Variants in CACNA2D3 observed in about 807,000 individuals in gnomAD.
The protein encoded by CACNA2D3 is calcium voltage-gated channel auxiliary subunit alpha2delta 3.
A neutral mutation model predicts 160.6 loss-of-function variants in CACNA2D3; 60 were observed. That is an observed-to-expected ratio of 0.37 (90% confidence interval 0.30 to 0.46). CACNA2D3 has a LOEUF of 0.46. Ranked by LOEUF, CACNA2D3 falls within the 20% of genes least tolerant of loss-of-function variation. The pLI is 1.00. For missense variants in CACNA2D3, 1,205 were observed against 1,365.0 expected (o/e 0.88, Z 1.85); for synonymous variants, 558 against 492.9 (o/e 1.13, Z -1.75).
At chr3:54,844,940 AT>A (rs1003753763) in intron 16 of CACNA2D3, among the ~76,000 whole-genome samples, 7 of 151,730 alleles carry the variant, frequency 4.6e-5, no homozygotes, top group South Asian at 2.1e-4. Flanking sequence ...AACTCTCAAG[AT>A]TTTTTTTTGA....
chr3:54,992,515 G>C (rs576337444), intron 31 of CACNA2D3, among the ~76,000 whole-genome samples: 28 of 152,144 alleles, frequency 1.8e-4, no homozygotes, highest in Non-Finnish European at 4.0e-4. Flanking sequence ...AGCTCCTGGC[G>C]GTCCTCTCTG....
intron 35 of CACNA2D3, among the ~76,000 whole-genome samples, chr3:55,026,589 G>A (rs1312224940): frequency 6.6e-6 from 1 of 152,146 alleles, no homozygotes; most frequent in Non-Finnish European, 1.5e-5. Flanking sequence ...ATATCACCAG[G>A]GTGAGAAGTT....
At chr3:54,618,749 G>T (rs865856127) in intron 9 of CACNA2D3, among the ~76,000 whole-genome samples, 40 of 152,258 alleles carry the variant, frequency 2.6e-4, no homozygotes, top group Admixed American at 1.8e-3. Flanking sequence ...TGAGTGCAAA[G>T]AACTGTAGGT....
Position 54,927,067 on chromosome 3 carries a change from C to T in CACNA2D3, c.2449+27199C>T, listed in dbSNP as rs547104656. On this transcript the variant is annotated intron_variant, in intron 27 of 37. Coordinates refer to ENST00000474759, the MANE Select transcript of CACNA2D3 (RefSeq NM_018398.3). ...ATGAGCCACACAGTAATATCCAAAACTCAAAATAGTTATCTACTCAAAGTG... is the reference window on the plus strand; with the variant it reads ...ATGAGCCACACAGTAATATCCAAAATTCAAAATAGTTATCTACTCAAAGTG... Among the ~76,000 whole-genome samples the T allele has an allele frequency of 4.5e-4, 68 of 152,240 alleles. 3 individuals carry two copies. In the South Asian group the frequency reaches 0.014, roughly 31 times the overall value.
intron 2 of CACNA2D3, among the ~76,000 whole-genome samples, chr3:54,259,508 C>T (rs1209758801): frequency 6.6e-6 from 1 of 152,142 alleles, no homozygotes; most frequent in African/African-American, 2.4e-5. Flanking sequence ...GGTGAGATTT[C>T]ATTTCTGCTG....
At chr3:54,420,512 A>G (rs6445659) in intron 4 of CACNA2D3, among the ~76,000 whole-genome samples, 51,900 of 152,140 alleles carry the variant, frequency 0.34, 9,207 homozygotes, top group African/African-American at 0.42. Flanking sequence ...TTTTGACCTC[A>G]GATCTCAGTG....
intron 2 of CACNA2D3, among the ~76,000 whole-genome samples, chr3:54,290,822 C>T (rs1330806930): frequency 6.6e-6 from 1 of 152,040 alleles, no homozygotes; most frequent in African/African-American, 2.4e-5. Context: ...AAAAACCAAA[C>T]ACCGCATGTT....
intron 2 of CACNA2D3, among the ~76,000 whole-genome samples, chr3:54,217,194 G>GC (rs1175673756): frequency 1.3e-5 from 2 of 152,176 alleles, no homozygotes; most frequent in Admixed American, 6.5e-5. Context: ...TGGTGAAGCA[G>GC]CCAGAGGCGT....
At chr3:54,469,508 A>G (rs1367975068) in intron 4 of CACNA2D3, among the ~76,000 whole-genome samples, 2 of 151,830 alleles carry the variant, frequency 1.3e-5, no homozygotes, top group South Asian at 2.1e-4. Context: ...TCCAAAAACC[A>G]GAATGCCTCT....
At position 54,962,727 on chromosome 3, in the gene CACNA2D3, T is replaced by TC. The variant is rs577363921; in HGVS notation, c.2450-5722dup. Among the ~76,000 whole-genome samples the TC allele has an allele frequency of 2.1e-3, 319 of 152,292 alleles. 1 individual carries two copies. The highest frequency in any genetic ancestry group is 3.8e-3 in the Non-Finnish European group (256 of 68,036). On this transcript the variant is annotated intron_variant, in intron 27 of 37. Coordinates refer to ENST00000474759, the MANE Select transcript of CACNA2D3 (RefSeq NM_018398.3). Reference sequence around the variant, plus strand: ...TCACTGATGGTGGCAGGATTGTTTTTCTGCCTTTTGGATGAGCTCTCTATG... The same window carrying TC: ...TCACTGATGGTGGCAGGATTGTTTTTCCTGCCTTTTGGATGAGCTCTCTATG...
chr3:54,217,131 A>G (rs985548631), intron 2 of CACNA2D3, among the ~76,000 whole-genome samples: 1 of 152,160 alleles, frequency 6.6e-6, no homozygotes, highest in Non-Finnish European at 1.5e-5. Flanking sequence ...TGAGCAAGGG[A>G]GAGGGCTGCA....
At chr3:55,060,133 C>T (rs1340389635) in intron 35 of CACNA2D3, among the ~76,000 whole-genome samples, 3 of 152,074 alleles carry the variant, frequency 2.0e-5, no homozygotes, top group Non-Finnish European at 4.4e-5. Context: ...TTACTTGCCT[C>T]CTGTCCATAT....
intron 9 of CACNA2D3, among the ~76,000 whole-genome samples, chr3:54,609,194 C>T (rs764370490): frequency 5.3e-5 from 8 of 152,120 alleles, no homozygotes; most frequent in Non-Finnish European, 1.2e-4. Context: ...TACACATGCA[C>T]AGTGAAAAGG....
At chr3:54,855,298 C>T (rs73843722) in intron 17 of CACNA2D3, among the ~76,000 whole-genome samples, 2,494 of 152,286 alleles carry the variant, frequency 0.016, 67 homozygotes, top group African/African-American at 0.056. Flanking sequence ...CTCCGGGCTC[C>T]GGCACCTGCT....
At chr3:54,883,458 A>T (rs531616028) in intron 21 of CACNA2D3, among the ~76,000 whole-genome samples, 1 of 152,338 alleles carries the variant, frequency 6.6e-6, no homozygotes, top group South Asian at 2.1e-4. Context: ...AGAGAATTAG[A>T]AAGCAATTAA....
chr3:54,188,770 A>G lies in CACNA2D3; in HGVS notation c.204+65176A>G, dbSNP rs921925327. On this transcript the variant is annotated intron_variant, in intron 2 of 37. Transcript: ENST00000474759. ...TTCTCTAATAGATCCACAAACCCCA[A>G]ACTTCCAAAATGGATATATATTTAT... Among the ~76,000 whole-genome samples, 5 of 152,226 alleles carry G rather than the reference A, an allele frequency of 3.3e-5. No homozygotes were observed. In the East Asian group the frequency reaches 9.6e-4, roughly 29 times the overall value.
At chr3:54,231,000 C>A (rs1374345553) in intron 2 of CACNA2D3, among the ~76,000 whole-genome samples, 1 of 152,160 alleles carries the variant, frequency 6.6e-6, no homozygotes, top group African/African-American at 2.4e-5. Flanking sequence ...CACATGGTGA[C>A]TTGGATGGAC....
intron 14 of CACNA2D3, among the ~76,000 whole-genome samples, chr3:54,834,261 A>C (rs1240304986): frequency 6.6e-6 from 1 of 152,184 alleles, no homozygotes; most frequent in African/African-American, 2.4e-5. Flanking sequence ...TCCATGTTAC[A>C]TGTTGGCACT....
intron 23 of CACNA2D3, among the ~76,000 whole-genome samples, chr3:54,885,867 A>G (rs1459521419): frequency 1.3e-5 from 2 of 152,190 alleles, no homozygotes; most frequent in Non-Finnish European, 2.9e-5. Context: ...AAATGTTACA[A>G]CTGGGAAGGG....
Sources: gnomAD v4.1 joint callset for allele counts (sites outside exome capture counted in the v4.1 genomes callset) on GRCh38, gnomAD v4.1.1 for gene constraint, MANE v1.5 for transcripts, NCBI Gene and HGNC (gene_info 2026-07-23, HGNC 2026-07-21) for gene names.